STPG2: variants seen among roughly 807,000 people sequenced by gnomAD.
The protein encoded by STPG2 is sperm-tail PG-rich repeat-containing protein 2.
Under a neutral mutation model 54.2 loss-of-function variants are expected in STPG2, and 56 were observed. The observed-to-expected ratio is 1.03, with a 90% CI of 0.83 to 1.29. The LOEUF is 1.29. Among genes scored for constraint, STPG2 ranks in the 50% most tolerant of loss-of-function variants. The probability of loss-of-function intolerance (pLI) is 0.00; values close to 1 mark genes in which losing one functional copy is unlikely to be tolerated. For missense variants in STPG2, 596 were observed against 544.9 expected, an observed-to-expected ratio of 1.09 and a Z score of -0.93; for synonymous variants, 200 against 181.8, an observed-to-expected ratio of 1.10 and a Z score of -0.81.
chr4:98,094,759 G>C (rs1335793006), intron 5 of STPG2, among the ~76,000 whole-genome samples: 1 of 152,174 alleles, frequency 6.6e-6, no homozygotes, highest in Non-Finnish European at 1.5e-5. Context: ...CACAGGGAGA[G>C]GCTCCTCTGC....
At chr4:97,680,665 T>C (rs531836956) in intron 10 of STPG2, among the ~76,000 whole-genome samples, 26 of 152,256 alleles carry the variant, frequency 1.7e-4, no homozygotes, top group Admixed American at 1.4e-3. Context: ...TCCAACACTA[T>C]ATCATGCCCA....
chr4:97,985,846 C>A (rs1463180163), intron 5 of STPG2, among the ~76,000 whole-genome samples: 4 of 152,006 alleles, frequency 2.6e-5, no homozygotes, highest in African/African-American at 9.7e-5. Context: ...TAGTATGAAA[C>A]CTGAGATTTT....
At chr4:97,976,732 T>TC (rs1734512452) in intron 6 of STPG2, among the ~76,000 whole-genome samples, 1 of 152,164 alleles carries the variant, frequency 6.6e-6, no homozygotes, top group Non-Finnish European at 1.5e-5. Context: ...CCATTCTTAC[T>TC]AATCCTTAAA....
At chr4:97,788,147 T>C (rs1726883076) in intron 9 of STPG2, among the ~76,000 whole-genome samples, 1 of 152,040 alleles carries the variant, frequency 6.6e-6, no homozygotes, top group African/African-American at 2.4e-5. Flanking sequence ...GATCACCTCG[T>C]TGTGCTATCA....
intron 4 of STPG2, among the ~76,000 whole-genome samples, chr4:97,519,806 A>G (rs1731145386): frequency 6.6e-6 from 1 of 152,074 alleles, no homozygotes; most frequent in Non-Finnish European, 1.5e-5. Context: ...AGAGGAGAGA[A>G]GGAAGAGGGA....
Position 98,029,233 on chromosome 4 carries a change from A to G in STPG2, c.613-47915T>C, listed in dbSNP as rs112727816. On this transcript the variant is annotated intron_variant, in intron 5 of 10. Coordinates refer to ENST00000295268, the MANE Select transcript of STPG2 (RefSeq NM_174952.3). ...GGCTAATAGTCCTGTTCAATCTTCT[A>G]TAACCTCACTGAGGTCTCACTCTAT... 5.9e-3 allele frequency among the ~76,000 whole-genome samples: 893 copies of G among 152,260 alleles called. 6 individuals carry two copies. The highest frequency in any genetic ancestry group is 0.02 in the Middle Eastern group (6 of 294).
chr4:97,961,464 C>T (rs1285516148), intron 7 of STPG2, among the ~76,000 whole-genome samples: 1 of 152,164 alleles, frequency 6.6e-6, no homozygotes, highest in Non-Finnish European at 1.5e-5. Context: ...ATACATCTGA[C>T]AAAGGACTAA....
In STPG2 at chr4:97,512,705, A is replaced by G. The variant is rs117726797; in HGVS notation, c.462+199994T>C. ...AAGAGTATCTTCATGGTTTAAAAAT[A>G]TTAGTAATAGCTATCACTTATTGAG... is the stretch of plus-strand genomic sequence containing the variant. On this transcript the variant is annotated intron_variant, in intron 4 of 4. Transcript: ENST00000522676. Among the ~76,000 whole-genome samples, 141 of 152,220 alleles carry G rather than the reference A, an allele frequency of 9.3e-4. 3 individuals are homozygous for G. In the East Asian group the frequency reaches 0.026, roughly 28 times the overall value.
chr4:97,526,493 G>A (rs187574554), intron 4 of STPG2, among the ~76,000 whole-genome samples: 4 of 152,088 alleles, frequency 2.6e-5, no homozygotes, highest in African/African-American at 7.2e-5. Flanking sequence ...AGAAGTGTCC[G>A]TTTATATCCT....
chr4:97,743,861 A>G (rs145594218), intron 9 of STPG2, among the ~76,000 whole-genome samples: 39 of 151,730 alleles, frequency 2.6e-4, no homozygotes, highest in African/African-American at 8.9e-4. Context: ...AAAAGCTAGT[A>G]GGATTTTGCT....
intron 5 of STPG2, among the ~76,000 whole-genome samples, chr4:98,075,828 T>C (rs1242056392): frequency 6.6e-6 from 1 of 152,240 alleles, no homozygotes; most frequent in African/African-American, 2.4e-5. Context: ...AAAAGTACTC[T>C]ATCCTGCATA....
At chr4:97,858,480 T>C (rs1729401384) in intron 8 of STPG2, among the ~76,000 whole-genome samples, 1 of 152,120 alleles carries the variant, frequency 6.6e-6, no homozygotes, top group Admixed American at 6.6e-5. Flanking sequence ...TTAGCAGTAA[T>C]TTCTGAGATT....
intron 8 of STPG2, among the ~76,000 whole-genome samples, chr4:97,895,710 G>C (rs547048728): frequency 3.2e-4 from 49 of 151,674 alleles, no homozygotes; most frequent in Non-Finnish European, 8.9e-5. Context: ...GATTTCTTCT[G>C]GTTGCATAAA....
intron 8 of STPG2, among the ~76,000 whole-genome samples, chr4:97,925,109 C>G (rs1278426193): frequency 6.6e-6 from 1 of 152,188 alleles, no homozygotes; most frequent in Non-Finnish European, 1.5e-5. Context: ...TCTATTACTT[C>G]TGAGATTTAT....
chr4:97,933,580 A>G (rs1366610317), intron 8 of STPG2, among the ~76,000 whole-genome samples: 1 of 152,150 alleles, frequency 6.6e-6, no homozygotes, highest in Non-Finnish European at 1.5e-5. Flanking sequence ...TTTTCTGTAT[A>G]TGGTTGGCCA....
intron 3 of STPG2, among the ~76,000 whole-genome samples, chr4:98,127,294 T>C (rs979743786): frequency 1.3e-5 from 2 of 152,174 alleles, no homozygotes; most frequent in Non-Finnish European, 2.9e-5. Flanking sequence ...ATTTTCACAG[T>C]ATCTATGTGT....
intron 10 of STPG2, among the ~76,000 whole-genome samples, chr4:97,675,409 A>G (rs1232802955): frequency 6.6e-6 from 1 of 152,162 alleles, no homozygotes; most frequent in Admixed American, 6.5e-5. Flanking sequence ...GGCCTGCTAC[A>G]TTTATGAAAG....
chr4:97,688,559 G>C (rs1723270899), intron 10 of STPG2, among the ~76,000 whole-genome samples: 1 of 152,086 alleles, frequency 6.6e-6, no homozygotes, highest in Non-Finnish European at 1.5e-5. Flanking sequence ...AGTAGAGATG[G>C]GGTTTCACCA....
At chr4:97,617,258 A>C (rs1449608568) in intron 10 of STPG2, among the ~76,000 whole-genome samples, 1 of 152,058 alleles carries the variant, frequency 6.6e-6, no homozygotes, top group Non-Finnish European at 1.5e-5. Flanking sequence ...ATAAATAACA[A>C]GCAGAAAAAA....
Sources: allele counts gnomAD v4.1 joint callset (sites outside exome capture counted in the v4.1 genomes callset), GRCh38; gene constraint gnomAD v4.1.1; transcripts MANE v1.5; gene names NCBI Gene and HGNC (gene_info 2026-07-23, HGNC 2026-07-21).